UNC13C: variants seen among roughly 807,000 people sequenced by gnomAD.
UNC13C encodes the protein protein unc-13 homolog C.
UNC13C carries 174 observed loss-of-function variants against 245.4 expected under a neutral mutation model. The observed-to-expected ratio is 0.71, with a 90% CI of 0.63 to 0.80. The LOEUF is 0.80. Among genes scored for constraint, UNC13C ranks in the 30% least tolerant of loss-of-function variants. The probability of loss-of-function intolerance (pLI) is 0.00; values close to 1 mark genes in which losing one functional copy is unlikely to be tolerated. For synonymous variants in UNC13C, 992 were observed against 895.1 expected (o/e 1.11, Z -1.93); for missense variants, 2,829 against 2,602.9 (o/e 1.09, Z -1.89).
At chr15:54,094,808 T>C (rs1191551061) in intron 2 of UNC13C, among the ~76,000 whole-genome samples, 3 of 152,220 alleles carry the variant, frequency 2.0e-5, no homozygotes, top group South Asian at 2.1e-4. Flanking sequence ...GCAAGTGTTA[T>C]AGCTGAGCCA....
chr15:53,885,406 G>A, the UNC13C span, among the ~76,000 whole-genome samples: 4 of 152,336 alleles, frequency 2.6e-5, no homozygotes, highest in East Asian at 7.7e-4. Flanking sequence ...GAGGGGTTCT[G>A]TTCCATACCT....
chr15:54,399,170 T>C (rs1262363500), intron 18 of UNC13C, among the ~76,000 whole-genome samples: 1 of 151,632 alleles, frequency 6.6e-6, no homozygotes, highest in Non-Finnish European at 1.5e-5. Context: ...TATAGGGGCA[T>C]CATTATTGGA....
intron 8 of UNC13C, among the ~76,000 whole-genome samples, chr15:54,252,083 CAACT>C (rs2036166042): frequency 6.6e-6 from 1 of 151,978 alleles, no homozygotes; most frequent in South Asian, 2.1e-4. Flanking sequence ...AAATTCAGCC[CAACT>C]GTTTAAAAAG....
At chr15:54,335,254 T>A (rs181911985) in intron 16 of UNC13C, among the ~76,000 whole-genome samples, 1 of 152,240 alleles carries the variant, frequency 6.6e-6, no homozygotes, top group Non-Finnish European at 1.5e-5. Flanking sequence ...TTTACAGTCT[T>A]CAAAATACTG....
At chr15:54,081,474 C>T (rs36123843) in intron 2 of UNC13C, among the ~76,000 whole-genome samples, 71,339 of 151,880 alleles carry the variant, frequency 0.47, 18,682 homozygotes, top group Non-Finnish European at 0.6. Flanking sequence ...TACTCTGATA[C>T]TGGGTTTGTA....
chr15:54,477,238 A>G (rs1349328971), intron 19 of UNC13C, among the ~76,000 whole-genome samples: 2 of 114,898 alleles, frequency 1.7e-5, no homozygotes, highest in African/African-American at 6.8e-5. Flanking sequence ...TAGATATACA[A>G]TCATGTCATC....
chr15:54,558,019 A>G (rs528285531), intron 29 of UNC13C, among the ~76,000 whole-genome samples: 3 of 152,044 alleles, frequency 2.0e-5, no homozygotes, highest in East Asian at 1.9e-4. Context: ...ACCAAACACC[A>G]CATATTCTCA....
At chr15:54,406,097 A>G (rs1173257764) in intron 18 of UNC13C, among the ~76,000 whole-genome samples, 3 of 152,190 alleles carry the variant, frequency 2.0e-5, no homozygotes, top group Non-Finnish European at 4.4e-5. Context: ...TTTATTTAAC[A>G]TAAGCTTTAT....
At chr15:54,621,952 G>A (rs897837055) in intron 30 of UNC13C, among the ~76,000 whole-genome samples, 4 of 152,104 alleles carry the variant, frequency 2.6e-5, no homozygotes, top group African/African-American at 7.2e-5. Context: ...CCAGTGCTCC[G>A]GTATGGCACA....
Position 54,014,489 on chromosome 15 carries a change from C to T in UNC13C, c.1586C>T (p.Ala529Val). The T allele has an allele frequency of 6.2e-7, 1 of 1,613,778 alleles. No individual in the cohort carries two copies. The highest frequency in any genetic ancestry group is 8.5e-7 in the Non-Finnish European group (1 of 1,179,790). Residue 529 changes from alanine (A) to valine (V), a missense_variant, in exon 2 of 33, where the codon GCA (alanine) becomes GTA (valine). Transcript: ENST00000260323. Reference protein sequence around the residue: ...ILEKQTTTHYADATPLWHSQS... With the variant: ...ILEKQTTTHYVDATPLWHSQS... ...GAAAAGCAAACCACAACCCATTATG[C>T]AGATGCAACACCTCTCTGGCACTCA...
At chr15:54,321,577 C>G (rs1252596443) in intron 13 of UNC13C, 2 of 386,794 alleles carry the variant, frequency 5.2e-6, no homozygotes, top group Admixed American at 3.3e-5. Flanking sequence ...CCCGTCACCC[C>G]TCAGACTCAC....
intron 17 of UNC13C, among the ~76,000 whole-genome samples, chr15:54,385,566 G>C (rs1019398966): frequency 6.7e-6 from 1 of 149,680 alleles, no homozygotes; most frequent in Non-Finnish European, 1.5e-5. Context: ...GGGTTGGAGG[G>C]GGGCAGGATG....
At chr15:53,945,032 A>G in the UNC13C span, among the ~76,000 whole-genome samples, 2 of 152,024 alleles carry the variant, frequency 1.3e-5, no homozygotes, top group Non-Finnish European at 2.9e-5. Flanking sequence ...GGATTTTTTT[A>G]TATGCTTGTT....
chr15:54,009,562 T>G (rs1393306258), intron 1 of UNC13C, among the ~76,000 whole-genome samples: 1 of 151,498 alleles, frequency 6.6e-6, no homozygotes, highest in Non-Finnish European at 1.5e-5. Flanking sequence ...TTTTTTTTTT[T>G]GTTGAGATGA....
chr15:54,209,729 T>G (rs1224462312), intron 4 of UNC13C, among the ~76,000 whole-genome samples: 1 of 152,124 alleles, frequency 6.6e-6, no homozygotes, highest in Non-Finnish European at 1.5e-5. Flanking sequence ...TTTATATAAA[T>G]GTTTTATGTG....
intron 19 of UNC13C, among the ~76,000 whole-genome samples, chr15:54,419,937 G>A (rs1401589303): frequency 1.3e-5 from 2 of 152,020 alleles, no homozygotes; most frequent in African/African-American, 4.8e-5. Flanking sequence ...GAGGCCTCAG[G>A]AGACTAAAAG....
At chr15:54,099,148 C>T (rs1294985890) in intron 2 of UNC13C, among the ~76,000 whole-genome samples, 1 of 152,154 alleles carries the variant, frequency 6.6e-6, no homozygotes. Context: ...GCAGTTTTGT[C>T]AAGAGTAGAA....
intron 2 of UNC13C, among the ~76,000 whole-genome samples, chr15:54,130,685 T>C (rs530073272): frequency 6.6e-6 from 1 of 152,342 alleles, no homozygotes; most frequent in African/African-American, 2.4e-5. Context: ...TGGTATAGGC[T>C]TAAGATTCCT....
intron 4 of UNC13C, among the ~76,000 whole-genome samples, chr15:54,183,323 A>G (rs967615746): frequency 1.3e-5 from 2 of 151,382 alleles, no homozygotes. Flanking sequence ...TGCTGGCACA[A>G]TAACTACTAC....
Sources: allele counts gnomAD v4.1 joint callset (sites outside exome capture counted in the v4.1 genomes callset), GRCh38; gene constraint gnomAD v4.1.1; transcripts MANE v1.5; gene names NCBI Gene and HGNC (gene_info 2026-07-23, HGNC 2026-07-21).